Variants in AP3B1 observed in about 807,000 individuals in gnomAD.
The protein encoded by AP3B1 is AP-3 complex subunit beta-1.
In AP3B1, 61 loss-of-function variants were observed where a neutral mutation model predicts 132.5. The observed-to-expected ratio is 0.46, with a 90% CI of 0.37 to 0.57. The LOEUF is 0.57. Among genes scored for constraint, AP3B1 ranks in the 20% least tolerant of loss-of-function variants. The probability of loss-of-function intolerance (pLI) is 0.00; values close to 1 mark genes in which losing one functional copy is unlikely to be tolerated. For missense variants in AP3B1, 1,120 were observed against 1,289.4 expected (o/e 0.87, Z 2.01); for synonymous variants, 388 against 438.3 (o/e 0.89, Z 1.43).
At chr5:78,266,915 A>T (rs978443530) in intron 2 of AP3B1, among the ~76,000 whole-genome samples, 1 of 152,164 alleles carries the variant, frequency 6.6e-6, no homozygotes, top group African/African-American at 2.4e-5. Flanking sequence ...TAAAAAATTA[A>T]AATTAAAACA....
chr5:78,276,152 A>G (rs1748765014), intron 1 of AP3B1, among the ~76,000 whole-genome samples: 1 of 151,664 alleles, frequency 6.6e-6, no homozygotes, highest in Non-Finnish European at 1.5e-5. Context: ...TGCAGCCTCA[A>G]ACTCCTAAGC....
intron 22 of AP3B1, among the ~76,000 whole-genome samples, chr5:78,059,449 C>A (rs173761): frequency 0.26 from 39,969 of 152,000 alleles, 6,001 homozygotes; most frequent in Admixed American, 0.4. Flanking sequence ...GTTGAAAACC[C>A]CTGTTCTGAA....
At chr5:78,159,620 C>A (rs1743305341) in intron 13 of AP3B1, among the ~76,000 whole-genome samples, 1 of 152,204 alleles carries the variant, frequency 6.6e-6, no homozygotes, top group South Asian at 2.1e-4. Context: ...TAAAGACCCA[C>A]ATGATAACAT....
intron 22 of AP3B1, among the ~76,000 whole-genome samples, chr5:78,082,506 A>G (rs1750059104): frequency 6.6e-6 from 1 of 152,248 alleles, no homozygotes; most frequent in Non-Finnish European, 1.5e-5. Context: ...CATAACAAAA[A>G]AAGTGTTTGG....
At chr5:78,243,257 T>C (rs558011765) in intron 2 of AP3B1, among the ~76,000 whole-genome samples, 1 of 152,048 alleles carries the variant, frequency 6.6e-6, no homozygotes, top group East Asian at 1.9e-4. Flanking sequence ...GGATTAAATG[T>C]TCTGTAGGAC....
intron 15 of AP3B1, among the ~76,000 whole-genome samples, chr5:78,130,559 T>C (rs936443522): frequency 1.5e-4 from 23 of 152,206 alleles, no homozygotes; most frequent in African/African-American, 4.6e-4. Flanking sequence ...TTACCAACAA[T>C]TGCTATTCAC....
chr5:78,006,132 T>C (rs1746382483), intron 26 of AP3B1, among the ~76,000 whole-genome samples: 3 of 152,166 alleles, frequency 2.0e-5, no homozygotes, highest in Admixed American at 1.3e-4. Context: ...TTCTAAGTGC[T>C]TCACTGGAAT....
intron 22 of AP3B1, among the ~76,000 whole-genome samples, chr5:78,088,051 A>T (rs1219013687): frequency 6.6e-6 from 1 of 152,188 alleles, no homozygotes; most frequent in African/African-American, 2.4e-5. Context: ...TGGACATCTG[A>T]TATCAGGGCC....
chr5:78,180,416 T>C (rs1282843031), intron 8 of AP3B1, among the ~76,000 whole-genome samples: 1 of 151,986 alleles, frequency 6.6e-6, no homozygotes, highest in Non-Finnish European at 1.5e-5. Context: ...TATAAAAGAA[T>C]TAAATGACAC....
At chr5:78,253,692 C>T (rs533896776) in intron 2 of AP3B1, among the ~76,000 whole-genome samples, 9 of 152,210 alleles carry the variant, frequency 5.9e-5, no homozygotes, top group African/African-American at 1.4e-4. Context: ...ATAGGCCAGG[C>T]GCGGTGGCTC....
chr5:78,169,296 GCCAA>G (rs1262183163), intron 11 of AP3B1, among the ~76,000 whole-genome samples: 2 of 151,952 alleles, frequency 1.3e-5, no homozygotes, highest in African/African-American at 2.4e-5. Context: ...CAATCAACCT[GCCAA>G]CCAAGAAAAA....
At chr5:78,076,399 C>A (rs959344351) in intron 22 of AP3B1, among the ~76,000 whole-genome samples, 2 of 152,184 alleles carry the variant, frequency 1.3e-5, no homozygotes, top group Non-Finnish European at 2.9e-5. Flanking sequence ...CCTAAAGAGG[C>A]TTAGGACTTT....
At chr5:78,291,994 T>C (rs538146853) in intron 1 of AP3B1, among the ~76,000 whole-genome samples, 168 of 152,274 alleles carry the variant, frequency 1.1e-3, no homozygotes, top group Admixed American at 2.2e-3. Flanking sequence ...TGTGCCTGAA[T>C]ATGCATGGGG....
chr5:78,166,624 A>G (rs191028609), intron 11 of AP3B1, among the ~76,000 whole-genome samples: 21 of 152,326 alleles, frequency 1.4e-4, no homozygotes, highest in African/African-American at 5.1e-4. Flanking sequence ...AATAGAAGAG[A>G]CAAACAGAAG....
intron 22 of AP3B1, among the ~76,000 whole-genome samples, chr5:78,050,352 C>T (rs545608801): frequency 7.9e-5 from 12 of 152,136 alleles, no homozygotes; most frequent in Non-Finnish European, 1.6e-4. Flanking sequence ...ATGTATTAAA[C>T]TTAATTTTAC....
At chr5:78,177,312 A>C (rs1454092423) in intron 9 of AP3B1, 27 bp downstream of exon 9, 1 of 1,501,104 alleles carries the variant, frequency 6.7e-7, no homozygotes, top group South Asian at 1.1e-5. Flanking sequence ...ATACAAAAGA[A>C]AAAATATATA....
intron 26 of AP3B1, among the ~76,000 whole-genome samples, chr5:78,009,260 G>T (rs928676511): frequency 1.4e-5 from 2 of 147,252 alleles, no homozygotes; most frequent in Admixed American, 1.4e-4. Flanking sequence ...TTCAAGACCA[G>T]CCTGGGCAAC....
intron 22 of AP3B1, chr5:78,042,898 C>G (rs1434133200): frequency 5.7e-6 from 1 of 174,874 alleles, no homozygotes; most frequent in Non-Finnish European, 1.3e-5. Context: ...TGCTTGACTG[C>G]CAAATGGTCT....
intron 22 of AP3B1, among the ~76,000 whole-genome samples, chr5:78,040,419 C>A (rs557581626): frequency 6.6e-6 from 1 of 152,276 alleles, no homozygotes; most frequent in South Asian, 2.1e-4. Flanking sequence ...TGTAGACCTA[C>A]AATATAATTC....
Sources: allele counts gnomAD v4.1 joint callset (sites outside exome capture counted in the v4.1 genomes callset), GRCh38; gene constraint gnomAD v4.1.1; transcripts MANE v1.5; gene names NCBI Gene and HGNC (gene_info 2026-07-23, HGNC 2026-07-21).